EEF1AKMT2: variants seen among roughly 807,000 people sequenced by gnomAD.
EEF1AKMT2 encodes the protein EEF1A lysine methyltransferase 2, also known as eukaryotic translation elongation factor 1 alpha lysine methyltransferase 2.
A neutral mutation model predicts 35.8 loss-of-function variants in EEF1AKMT2; 32 were observed. That is an observed-to-expected ratio of 0.89 (90% confidence interval 0.67 to 1.20). The LOEUF is 1.20. Among genes scored for constraint, EEF1AKMT2 ranks in the 50% most tolerant of loss-of-function variants. The pLI, the probability that EEF1AKMT2 is intolerant of heterozygous loss-of-function variation, is 0.00. For synonymous variants in EEF1AKMT2, 121 were observed against 133.7 expected, an observed-to-expected ratio of 0.91 and a Z score of 0.65; for missense variants, 330 against 347.5, an observed-to-expected ratio of 0.95 and a Z score of 0.40.
chr10:124,791,153 C>G (rs886255074), intron 1 of EEF1AKMT2, among the ~76,000 whole-genome samples: 2 of 152,184 alleles, frequency 1.3e-5, no homozygotes, highest in African/African-American at 4.8e-5. Context: ...TACCTCTCCC[C>G]AACTGTTCCC....
chr10:124,779,098 C>G (rs1167201605), intron 3 of EEF1AKMT2, among the ~76,000 whole-genome samples: 1 of 151,920 alleles, frequency 6.6e-6, no homozygotes. Flanking sequence ...AAAAAAAAAT[C>G]TAATAAAAAT....
At chr10:124,788,117 G>A (rs1377564159) in intron 3 of EEF1AKMT2, among the ~76,000 whole-genome samples, 2 of 151,964 alleles carry the variant, frequency 1.3e-5, no homozygotes, top group Non-Finnish European at 1.5e-5. Flanking sequence ...TTATTTACAG[G>A]CCCAGAACAT....
intron 1 of EEF1AKMT2, 102 bp downstream of exon 1, chr10:124,791,622 G>A: frequency 2.7e-6 from 4 of 1,493,544 alleles, no homozygotes; most frequent in Non-Finnish European, 3.6e-6. Flanking sequence ...GCCCCCGAGG[G>A]TCTCCCTGTC....
intron 3 of EEF1AKMT2, among the ~76,000 whole-genome samples, chr10:124,783,315 G>A (rs1228063833): frequency 6.6e-6 from 1 of 151,838 alleles, no homozygotes; most frequent in Non-Finnish European, 1.5e-5. Context: ...GCTAATTTTT[G>A]TATCTTTTGG....
In EEF1AKMT2 at chr10:124,779,760, A is replaced by AAAAAG. The variant is rs1950523752; in HGVS notation, c.292-4979_292-4978insCTTTT. On this transcript the variant is annotated intron_variant, in intron 3 of 6. Coordinates refer to ENST00000368836, the MANE Select transcript of EEF1AKMT2 (RefSeq NM_212554.4). ...GAGACTCCATCTCAAAAAAAAAAAA[A>AAAAAG]AAAAAAAAAAGAAACAGAATAGTCA... is the stretch of plus-strand genomic sequence containing the variant. Among the ~76,000 whole-genome samples the AAAAAG allele has an allele frequency of 3.0e-5, 4 of 131,932 alleles. No homozygotes were observed. In the South Asian group the frequency reaches 7.4e-4, roughly 24 times the overall value. The allele number at this position is 131,932 out of a possible 152,430, so 86.6% of individuals were successfully genotyped here.
chr10:124,773,680 T>A (rs1001028964), intron 4 of EEF1AKMT2, among the ~76,000 whole-genome samples: 1 of 152,110 alleles, frequency 6.6e-6, no homozygotes, highest in Non-Finnish European at 1.5e-5. Flanking sequence ...CCATCTTACG[T>A]GGGCACAGTT....
At chr10:124,768,130 C>T (rs886968353) in intron 4 of EEF1AKMT2, among the ~76,000 whole-genome samples, 5 of 152,198 alleles carry the variant, frequency 3.3e-5, no homozygotes, top group Admixed American at 6.5e-5. Flanking sequence ...AGACTCAAAA[C>T]AAGCTTGACA....
intron 4 of EEF1AKMT2, among the ~76,000 whole-genome samples, chr10:124,771,604 T>C (rs1950436871): frequency 6.6e-6 from 1 of 151,526 alleles, no homozygotes; most frequent in Non-Finnish European, 1.5e-5. Context: ...GCATGGTGGC[T>C]CACGCCTGTA....
chr10:124,772,032 C>T (rs1406227624), intron 4 of EEF1AKMT2, among the ~76,000 whole-genome samples: 4 of 152,074 alleles, frequency 2.6e-5, no homozygotes, highest in Non-Finnish European at 4.4e-5. Context: ...ACAGATGTGC[C>T]GTTATCCAGG....
chr10:124,763,447 G>A (rs1019943652), intron 5 of EEF1AKMT2, among the ~76,000 whole-genome samples: 1 of 152,168 alleles, frequency 6.6e-6, no homozygotes, highest in South Asian at 2.1e-4. Context: ...TGAGTAGTCA[G>A]GAACAAGACC....
At chr10:124,764,763 C>T (rs1212706002) in intron 5 of EEF1AKMT2, among the ~76,000 whole-genome samples, 1 of 152,162 alleles carries the variant, frequency 6.6e-6, no homozygotes, top group African/African-American at 2.4e-5. Context: ...GTACTTCTTC[C>T]ATTTGCATTA....
rs1238360252 is a variant in EEF1AKMT2 at position 124,785,814 on chromosome 10, T to G, written c.291+3229A>C. 2.1e-5 allele frequency among the ~76,000 whole-genome samples: 3 copies of G among 145,588 alleles called. No homozygotes were observed. The East Asian group carries it at 6.1e-4, about 30-fold the overall frequency. ...AGGAGGCTGAGGCAGGAGAATCACT[T>G]GAACCCTGCAGGTGGAGGTTGCAGT... On this transcript the variant is annotated intron_variant, in intron 3 of 6. Coordinates refer to ENST00000368836, the MANE Select transcript of EEF1AKMT2 (RefSeq NM_212554.4).
intron 3 of EEF1AKMT2, among the ~76,000 whole-genome samples, chr10:124,788,017 A>C (rs1191898511): frequency 1.3e-5 from 2 of 152,218 alleles, no homozygotes; most frequent in African/African-American, 4.8e-5. Flanking sequence ...GAAGGTCTTA[A>C]GCATGGCAAA....
intron 5 of EEF1AKMT2, among the ~76,000 whole-genome samples, chr10:124,763,657 A>G (rs941438224): frequency 2.6e-5 from 4 of 152,218 alleles, no homozygotes; most frequent in Non-Finnish European, 5.9e-5. Flanking sequence ...TTTCAGACAA[A>G]GACACATTTT....
intron 4 of EEF1AKMT2, among the ~76,000 whole-genome samples, chr10:124,767,117 C>T (rs112510871): frequency 0.046 from 6,570 of 144,374 alleles, 181 homozygotes; most frequent in South Asian, 0.099. Context: ...GCCGAGATCA[C>T]GCCATTGCAC....
chr10:124,778,543 G>A lies in EEF1AKMT2; in HGVS notation c.292-3761C>T, dbSNP rs539641491. On this transcript the variant is annotated intron_variant, in intron 3 of 6. Transcript: ENST00000368836. ...GTTCGAGACCAGCCTGGCCAATATG[G>A]TGAAACCCCGTCTCTACTAAAAATA... 5.3e-5 allele frequency among the ~76,000 whole-genome samples: 8 copies of A among 152,102 alleles called. No individual in the cohort carries two copies. In the South Asian group the frequency reaches 1.7e-3, roughly 32 times the overall value.
At chr10:124,782,531 G>A (rs1157140767) in intron 3 of EEF1AKMT2, among the ~76,000 whole-genome samples, 22 of 140,678 alleles carry the variant, frequency 1.6e-4, no homozygotes, top group Non-Finnish European at 2.6e-4. Flanking sequence ...GCAGTGAGCC[G>A]AGATCGCGCC....
At chr10:124,788,710 T>TTATATATATACATATATATA (rs1554920486) in intron 3 of EEF1AKMT2, among the ~76,000 whole-genome samples, 2 of 92,506 alleles carry the variant, frequency 2.2e-5, no homozygotes, top group Non-Finnish European at 4.8e-5. Flanking sequence ...AAGGTCATCT[T>TTATATATATACATATATATA]TATATATATA....
At chr10:124,766,988 T>C (rs1222886481) in intron 4 of EEF1AKMT2, among the ~76,000 whole-genome samples, 1 of 149,678 alleles carries the variant, frequency 6.7e-6, no homozygotes, top group Non-Finnish European at 1.5e-5. Context: ...GGTGAAATCC[T>C]GTCTCTACTA....
Sources: gnomAD v4.1 joint callset for allele counts (sites outside exome capture counted in the v4.1 genomes callset) on GRCh38, gnomAD v4.1.1 for gene constraint, MANE v1.5 for transcripts, NCBI Gene and HGNC (gene_info 2026-07-23, HGNC 2026-07-21) for gene names.